The following UTP20 variants were observed in gnomAD, a reference collection of about 807,000 sequenced individuals.
UTP20 encodes the protein small subunit processome component 20 homolog.
UTP20 carries 164 observed loss-of-function variants against 329.5 expected under a neutral mutation model. That is an observed-to-expected ratio of 0.50 (90% CI 0.44 to 0.57). The LOEUF (loss-of-function observed/expected upper bound fraction) is 0.57. Ranked by LOEUF, UTP20 falls within the 20% of genes least tolerant of loss-of-function variation. The pLI is 0.00. For synonymous variants in UTP20, 1,151 were observed against 1,159.3 expected (o/e 0.99, Z 0.14); for missense variants, 3,055 against 3,284.2 (o/e 0.93, Z 1.71).
At chr12:101,381,495 C>G (rs1195339681) in intron 58 of UTP20, among the ~76,000 whole-genome samples, 22 of 152,088 alleles carry the variant, frequency 1.4e-4, no homozygotes, top group Admixed American at 1.4e-3. Context: ...GAAATCACGC[C>G]ACTGCACTCC....
chr12:101,342,828 T>C lies in UTP20; in HGVS notation c.4287T>C (p.Asp1429=). ...AGAGTGGGTTAAAATATATTACTGA[T>C]GTTGTCAAGGTAAGAAAGAAGGGTT... ...DFESGLKYIT[D]VVKLNAFDQR... Residue 1429 remains aspartate (D), a synonymous_variant, in exon 34 of 62, where the codon GAT becomes GAC. Coordinates refer to ENST00000261637, the MANE Select transcript of UTP20 (RefSeq NM_014503.3). 6.2e-7 allele frequency: 1 copy of C among 1,613,440 alleles called. No individual in the cohort carries two copies. Among genetic ancestry groups the C allele is most frequent in the Admixed American group, 1.7e-5 (1 of 59,976 alleles).
chr12:101,366,667 A>T lies in UTP20; in HGVS notation c.6235A>T (p.Asn2079Tyr), dbSNP rs1870105201. The stretch of plus-strand genomic sequence containing the variant: ...GAAAGCTGTTGTGAGCAGGAAAACC[A>T]ACATGCACATATTTATTGAGTCCGG... ...GQKAVVSRKT[N>Y]MHIFIESGLR... is the part of the protein sequence containing the mutation. The change falls in exon 47 of 62, where the codon AAC becomes TAC. Residue 2079 changes from asparagine to tyrosine, a missense_variant. Transcript: ENST00000261637. 6.2e-7 allele frequency: 1 copy of T among 1,614,070 alleles called. No homozygotes were observed. The highest frequency in any genetic ancestry group is 8.5e-7 in the Non-Finnish European group (1 of 1,180,040).
At chr12:101,330,787 T>C (rs1223030342) in intron 27 of UTP20, among the ~76,000 whole-genome samples, 1 of 152,244 alleles carries the variant, frequency 6.6e-6, no homozygotes, top group South Asian at 2.1e-4. Context: ...AAGTCAATAA[T>C]CAGTAACTCA....
chr12:101,368,076 A>G, intron 48 of UTP20, 100 bp downstream of exon 48: 1 of 826,998 alleles, frequency 1.2e-6, no homozygotes, highest in Non-Finnish European at 1.9e-6. Context: ...AAGCTTTATG[A>G]GATGATTGAG....
chr12:101,344,518 T>G (rs1312889627), intron 35 of UTP20, 77 bp from the exon 36 acceptor site: 10 of 768,430 alleles, frequency 1.3e-5, no homozygotes, highest in Non-Finnish European at 2.0e-5. Flanking sequence ...ATTTTGTAGA[T>G]GCTTGCACTG....
chr12:101,282,041 G>T (rs919862357), intron 2 of UTP20, among the ~76,000 whole-genome samples: 2 of 152,144 alleles, frequency 1.3e-5, no homozygotes, highest in Non-Finnish European at 2.9e-5. Context: ...TCTGCATCAT[G>T]TCGTTATTCC....
intron 16 of UTP20, 132 bp from the exon 17 acceptor site, chr12:101,306,567 T>C: frequency 1.4e-6 from 1 of 711,994 alleles, no homozygotes; most frequent in South Asian, 2.3e-5. Context: ...AGGGCTAGAA[T>C]AGGCACATAT....
At position 101,302,526 on chromosome 12, in the gene UTP20, C is replaced by G; in HGVS notation, c.1754C>G (p.Pro585Arg). ...EESSELLHLVPVERVKNLVLT... is the reference protein window; with the variant it reads ...EESSELLHLVRVERVKNLVLT... ...TCTTCTGAACTTCTTCATTTGGTTC[C>G]TGTGGAACGTGTGAAGAATTTAGTA... Residue 585 changes from proline (P) to arginine (R), a missense_variant, in exon 15 of 62, where the codon CCT (proline) becomes CGT (arginine). This residue lies in a region of UTP20 where 2,445 missense variants were observed against 2,575.5 expected (regional missense o/e 0.95). Transcript: ENST00000261637. 2 of 1,609,498 alleles carry G rather than the reference C, an allele frequency of 1.2e-6. No homozygotes were observed. Among genetic ancestry groups the G allele is most frequent in the Non-Finnish European group, 1.7e-6 (2 of 1,178,566 alleles).
At chr12:101,320,782 C>T in intron 23 of UTP20, 70 bp from the exon 24 acceptor site, 1 of 1,325,268 alleles carries the variant, frequency 7.5e-7, no homozygotes, top group South Asian at 1.6e-5. Flanking sequence ...AGCAAATAAC[C>T]ACAAGTAAAT....
chr12:101,375,888 C>T, intron 56 of UTP20, 132 bp downstream of exon 56: 2 of 594,250 alleles, frequency 3.4e-6, no homozygotes, highest in East Asian at 3.1e-5. Context: ...TGAGAAAAAA[C>T]CTAAAAGGTT....
intron 58 of UTP20, among the ~76,000 whole-genome samples, chr12:101,381,876 G>C (rs1360046948): frequency 6.6e-6 from 1 of 151,846 alleles, no homozygotes; most frequent in Non-Finnish European, 1.5e-5. Context: ...AAAATTAGCT[G>C]GGCATGGTGG....
chr12:101,341,689 G>T (rs1434023375), intron 32 of UTP20, among the ~76,000 whole-genome samples: 1 of 152,110 alleles, frequency 6.6e-6, no homozygotes, highest in South Asian at 2.1e-4. Flanking sequence ...GGCAGATCAC[G>T]AGGTCAGGAG....
chr12:101,373,860 G>A, intron 54 of UTP20, 93 bp downstream of exon 54: 1 of 1,368,130 alleles, frequency 7.3e-7, no homozygotes, highest in South Asian at 1.4e-5. Context: ...TGTTGAATTG[G>A]TTTTTTTCCC....
At chr12:101,319,764 C>T in intron 23 of UTP20, 129 bp downstream of exon 23, 25 of 560,168 alleles carry the variant, frequency 4.5e-5, no homozygotes, top group Middle Eastern at 5.2e-4. Flanking sequence ...GTATTAAAGC[C>T]TTTTTTTTTT....
chr12:101,348,237 C>G (rs1869397789), intron 38 of UTP20, among the ~76,000 whole-genome samples: 1 of 152,214 alleles, frequency 6.6e-6, no homozygotes, highest in Non-Finnish European at 1.5e-5. Context: ...TCCAGTCCAA[C>G]AACCTTTTAA....
chr12:101,282,786 G>A (rs969850980), intron 2 of UTP20, among the ~76,000 whole-genome samples: 20 of 152,340 alleles, frequency 1.3e-4, no homozygotes, highest in Admixed American at 1.0e-3. Context: ...CAGTTGTCCA[G>A]TTGTGAGGAT....
intron 11 of UTP20, 73 bp from the exon 12 acceptor site, chr12:101,295,407 G>C (rs1872314347): frequency 1.5e-6 from 2 of 1,377,238 alleles, no homozygotes; most frequent in South Asian, 3.0e-5. Context: ...TTTTGGTCTA[G>C]TTTTTTGAAT....
chr12:101,308,979 C>T (rs910585339), intron 18 of UTP20, among the ~76,000 whole-genome samples: 1 of 151,880 alleles, frequency 6.6e-6, no homozygotes, highest in Non-Finnish European at 1.5e-5. Flanking sequence ...GTGATCCGCC[C>T]TCCTCGGCGT....
At chr12:101,343,332 A>G (rs1384757687) in intron 35 of UTP20, among the ~76,000 whole-genome samples, 1 of 152,198 alleles carries the variant, frequency 6.6e-6, no homozygotes, top group Non-Finnish European at 1.5e-5. Context: ...TCAAGAAGTT[A>G]TGTATTAGAA....
Sources: allele counts gnomAD v4.1 joint callset (sites outside exome capture counted in the v4.1 genomes callset), GRCh38; gene constraint gnomAD v4.1.1; regional missense constraint gnomAD v4.1.1; transcripts MANE v1.5; gene names NCBI Gene and HGNC (gene_info 2026-07-23, HGNC 2026-07-21).